Variants in HS6ST3 observed in about 807,000 individuals in gnomAD.
HS6ST3 encodes the protein heparan sulfate 6-O-sulfotransferase 3, also known as heparan-sulfate 6-O-sulfotransferase 3.
A neutral mutation model predicts 36.7 loss-of-function variants in HS6ST3; 12 were observed. The ratio of observed to expected loss-of-function variants is 0.33; its 90% CI spans 0.21 to 0.53. The LOEUF (loss-of-function observed/expected upper bound fraction) is 0.53. HS6ST3 is among the 20% of genes least tolerant of loss of function. HS6ST3 has a pLI of 0.95. For synonymous variants in HS6ST3, 240 were observed against 257.5 expected, an observed-to-expected ratio of 0.93 and a Z score of 0.65; for missense variants, 584 against 640.9, an observed-to-expected ratio of 0.91 and a Z score of 0.96.
At chr13:96,345,174 T>A (rs2055147512) in intron 1 of HS6ST3, among the ~76,000 whole-genome samples, 1 of 152,306 alleles carries the variant, frequency 6.6e-6, no homozygotes, top group Middle Eastern at 3.4e-3. Flanking sequence ...TAGGCAGGCT[T>A]CAGGAGGATT....
At chr13:96,765,262 C>T (rs894902146) in intron 1 of HS6ST3, among the ~76,000 whole-genome samples, 13 of 151,758 alleles carry the variant, frequency 8.6e-5, no homozygotes, top group Non-Finnish European at 1.5e-4. Flanking sequence ...TTAGTAGTGA[C>T]GGGGTTTCAC....
At position 96,536,434 on chromosome 13, in the gene HS6ST3, C is replaced by T. The variant is rs145992771; in HGVS notation, c.708-296056C>T. Among the ~76,000 whole-genome samples the T allele has an allele frequency of 1.0e-3, 152 of 152,244 alleles. 2 individuals carry two copies. The highest frequency in any genetic ancestry group is 3.2e-4 in the Non-Finnish European group (22 of 68,014). On this transcript the variant is annotated intron_variant, in intron 1 of 1. Transcript: ENST00000376705. ...TACACTTATAATTTATTATAGACAA[C>T]ATAAAAATAAGATGCTCTCCCTCTG...
chr13:96,338,770 C>G (rs1389305522), intron 1 of HS6ST3, among the ~76,000 whole-genome samples: 1 of 152,130 alleles, frequency 6.6e-6, no homozygotes, highest in Non-Finnish European at 1.5e-5. Flanking sequence ...TAGGGCTTCA[C>G]CTTTGGTGCC....
chr13:96,762,694 A>G (rs1293443433), intron 1 of HS6ST3, among the ~76,000 whole-genome samples: 3 of 152,294 alleles, frequency 2.0e-5, no homozygotes, highest in East Asian at 3.9e-4. Flanking sequence ...ACGGTTGTTC[A>G]TTGGCTCAAG....
At chr13:96,240,953 G>C (rs1263798955) in intron 1 of HS6ST3, among the ~76,000 whole-genome samples, 1 of 152,186 alleles carries the variant, frequency 6.6e-6, no homozygotes, top group Non-Finnish European at 1.5e-5. Context: ...GTAGATAGTT[G>C]GTTCTGAATC....
rs571332558 is a variant in HS6ST3 at position 96,236,493 on chromosome 13, T to TTCCTCCATACTCAGCTTAGAC, written c.707+144928_707+144948dup. 1.3e-3 allele frequency among the ~76,000 whole-genome samples: 197 copies of TTCCTCCATACTCAGCTTAGAC among 152,212 alleles called. 2 individuals are homozygous for TTCCTCCATACTCAGCTTAGAC. The South Asian group carries it at 0.017, about 13-fold the overall frequency. ...TCACCTCTGCCACTCTCTCTTCACTTTCCTCCATACTCAGCTTAGACTCCA... is the reference window on the plus strand; with the variant it reads ...TCACCTCTGCCACTCTCTCTTCACTTTCCTCCATACTCAGCTTAGACTCCTCCATACTCAGCTTAGACTCCA... On this transcript the variant is annotated intron_variant, in intron 1 of 1. Transcript: ENST00000376705.
chr13:96,196,718 GGCAGCA>G (rs1254077613), intron 1 of HS6ST3, among the ~76,000 whole-genome samples: 1 of 152,128 alleles, frequency 6.6e-6, no homozygotes, highest in Non-Finnish European at 1.5e-5. Flanking sequence ...GTGCTAGGTG[GGCAGCA>G]GCAACCACGG....
intron 1 of HS6ST3, among the ~76,000 whole-genome samples, chr13:96,683,637 A>G (rs1874674884): frequency 6.6e-6 from 1 of 152,086 alleles, no homozygotes; most frequent in African/African-American, 2.4e-5. Context: ...TTGTAAAATG[A>G]TCATCAGTTC....
intron 1 of HS6ST3, among the ~76,000 whole-genome samples, chr13:96,663,210 G>A (rs2056652502): frequency 6.6e-6 from 1 of 152,122 alleles, no homozygotes; most frequent in Non-Finnish European, 1.5e-5. Context: ...GACAGGTGGG[G>A]ATGTGATCTG....
At chr13:96,214,493 C>T (rs1418176024) in intron 1 of HS6ST3, among the ~76,000 whole-genome samples, 1 of 152,132 alleles carries the variant, frequency 6.6e-6, no homozygotes, top group African/African-American at 2.4e-5. Context: ...TTAAAAAGTC[C>T]TCATTAACTG....
intron 1 of HS6ST3, among the ~76,000 whole-genome samples, chr13:96,578,134 A>T (rs1422471479): frequency 6.6e-6 from 1 of 152,156 alleles, no homozygotes; most frequent in African/African-American, 2.4e-5. Flanking sequence ...TTATCCTCCC[A>T]CACAAGTCCA....
chr13:96,601,528 A>G (rs2056421484), intron 1 of HS6ST3, among the ~76,000 whole-genome samples: 1 of 151,766 alleles, frequency 6.6e-6, no homozygotes, highest in South Asian at 2.1e-4. Flanking sequence ...GAATTGTTTC[A>G]TTTCTTTATG....
chr13:96,214,701 C>T (rs1175202578), intron 1 of HS6ST3, among the ~76,000 whole-genome samples: 3 of 152,138 alleles, frequency 2.0e-5, no homozygotes, highest in South Asian at 2.1e-4. Context: ...GTAACCATAT[C>T]GTAACCTGAA....
At chr13:96,680,169 C>G (rs2056713421) in intron 1 of HS6ST3, among the ~76,000 whole-genome samples, 1 of 152,148 alleles carries the variant, frequency 6.6e-6, no homozygotes, top group Non-Finnish European at 1.5e-5. Flanking sequence ...TGGGGGACAA[C>G]TGACACAAAC....
intron 1 of HS6ST3, among the ~76,000 whole-genome samples, chr13:96,108,420 C>G (rs1043569238): frequency 1.2e-4 from 18 of 152,190 alleles, no homozygotes; most frequent in Admixed American, 1.2e-3. Context: ...TTTGCCCTGG[C>G]CTTGTGACCT....
chr13:96,377,853 C>T (rs1288223784), intron 1 of HS6ST3, among the ~76,000 whole-genome samples: 1 of 152,144 alleles, frequency 6.6e-6, no homozygotes, highest in Non-Finnish European at 1.5e-5. Flanking sequence ...AGGACCAGAG[C>T]TCATAAAAAT....
At chr13:96,609,236 C>T (rs760950252) in intron 1 of HS6ST3, among the ~76,000 whole-genome samples, 2 of 152,048 alleles carry the variant, frequency 1.3e-5, no homozygotes, top group Non-Finnish European at 2.9e-5. Flanking sequence ...TCCCAAAGTG[C>T]TGGGATTGCA....
intron 1 of HS6ST3, chr13:96,169,653 A>G (rs756480697): frequency 2.6e-5 from 4 of 152,252 alleles, no homozygotes; most frequent in South Asian, 2.1e-4. Context: ...TGCTGTGCCA[A>G]TCGGGTGTCC....
chr13:96,801,246 C>T (rs1304554085), intron 1 of HS6ST3, among the ~76,000 whole-genome samples: 1 of 152,092 alleles, frequency 6.6e-6, no homozygotes, highest in South Asian at 2.1e-4. Flanking sequence ...CCCAAGGATG[C>T]AAAACATTGA....
Sources: allele counts gnomAD v4.1 joint callset (sites outside exome capture counted in the v4.1 genomes callset), GRCh38; gene constraint gnomAD v4.1.1; transcripts MANE v1.5; gene names NCBI Gene and HGNC (gene_info 2026-07-23, HGNC 2026-07-21).